The following PTPRD variants were observed in gnomAD, a reference collection of about 807,000 sequenced individuals.
PTPRD encodes the protein receptor-type tyrosine-protein phosphatase delta.
A neutral mutation model predicts 214.5 loss-of-function variants in PTPRD; 34 were observed. That is an observed-to-expected ratio of 0.16 (90% CI 0.12 to 0.21). The LOEUF is 0.21. PTPRD is among the 10% of genes least tolerant of loss of function. The probability of loss-of-function intolerance (pLI) is 1.00; values close to 1 mark genes in which losing one functional copy is unlikely to be tolerated. For synonymous variants in PTPRD, 1,128 were observed against 845.7 expected (o/e 1.33, Z -5.79); for missense variants, 2,545 against 2,398.7 (o/e 1.06, Z -1.27).
chr9:8,569,849 AT>A (rs1404746563), intron 14 of PTPRD, among the ~76,000 whole-genome samples: 1 of 152,176 alleles, frequency 6.6e-6, no homozygotes, highest in Non-Finnish European at 1.5e-5. Context: ...TTATAAATTC[AT>A]GATGAAAACT....
At chr9:9,658,307 C>T (rs1165169920) in intron 7 of PTPRD, among the ~76,000 whole-genome samples, 1 of 152,060 alleles carries the variant, frequency 6.6e-6, no homozygotes, top group African/African-American at 2.4e-5. Context: ...ATCATTTCGC[C>T]TTATATCCTA....
intron 6 of PTPRD, among the ~76,000 whole-genome samples, chr9:9,758,936 T>C (rs1478804206): frequency 1.3e-5 from 2 of 152,022 alleles, no homozygotes. Context: ...AGCTATAGAA[T>C]TGTCAAATGT....
At chr9:9,484,124 T>C (rs991276062) in intron 8 of PTPRD, among the ~76,000 whole-genome samples, 1 of 151,882 alleles carries the variant, frequency 6.6e-6, no homozygotes, top group Non-Finnish European at 1.5e-5. Context: ...TAATAAGAGA[T>C]TGATTTAAAC....
At chr9:9,918,883 T>C (rs2081733848) in intron 5 of PTPRD, among the ~76,000 whole-genome samples, 3 of 152,078 alleles carry the variant, frequency 2.0e-5, no homozygotes, top group Admixed American at 6.6e-5. Flanking sequence ...TCCAACCCTA[T>C]ACAAACATCA....
chr9:9,186,481 T>G (rs2099931570), intron 9 of PTPRD, among the ~76,000 whole-genome samples: 3 of 152,040 alleles, frequency 2.0e-5, no homozygotes, highest in Admixed American at 2.0e-4. Flanking sequence ...CATTGTGGCA[T>G]GCACTTGTAG....
At position 9,349,145 on chromosome 9, in the gene PTPRD, C is replaced by T. The variant is rs868513498; in HGVS notation, c.-203+48304G>A. On this transcript the variant is annotated intron_variant, in intron 9 of 45. Transcript: ENST00000381196. ...GAAATATGTTTAAGAAAAAATAATT[C>T]ACTCGACGTAAATCTGATCATATCA... 4.6e-5 allele frequency among the ~76,000 whole-genome samples: 7 copies of T among 152,122 alleles called. No homozygotes were observed. In the Middle Eastern group the frequency reaches 0.02, roughly 444 times the overall value.
intron 3 of PTPRD, among the ~76,000 whole-genome samples, chr9:10,204,518 C>G (rs994387631): frequency 5.9e-5 from 9 of 152,050 alleles, no homozygotes; most frequent in Admixed American, 5.2e-4. Context: ...ATTTGTTGAA[C>G]AAGCAGATAA....
At chr9:9,305,874 A>G (rs890665141) in intron 9 of PTPRD, among the ~76,000 whole-genome samples, 2 of 152,086 alleles carry the variant, frequency 1.3e-5, no homozygotes, top group Non-Finnish European at 2.9e-5. Context: ...CCACCAAGAG[A>G]GGCAGGAAGA....
In PTPRD at chr9:10,424,649, G is replaced by A. The variant is rs993549137; in HGVS notation, c.-599-83632C>T. 3.9e-5 allele frequency among the ~76,000 whole-genome samples: 6 copies of A among 151,946 alleles called. No individual in the cohort carries two copies. The East Asian group carries it at 9.8e-4, about 25-fold the overall frequency. On this transcript the variant is annotated intron_variant, in intron 2 of 45. Coordinates refer to ENST00000381196, the MANE Select transcript of PTPRD (RefSeq NM_002839.4). ...ATGACAGGGATGTATGTAATGCAACGAAGAACAAGCAAAGGGGTTTGGAAA... is the reference window on the plus strand; with the variant it reads ...ATGACAGGGATGTATGTAATGCAACAAAGAACAAGCAAAGGGGTTTGGAAA...
At chr9:8,617,463 T>C (rs1274719353) in intron 14 of PTPRD, among the ~76,000 whole-genome samples, 1 of 152,108 alleles carries the variant, frequency 6.6e-6, no homozygotes, top group Non-Finnish European at 1.5e-5. Flanking sequence ...TATTCCTGAT[T>C]ACTAGGCTAC....
intron 9 of PTPRD, among the ~76,000 whole-genome samples, chr9:9,336,047 G>C (rs1398620941): frequency 1.3e-5 from 2 of 151,916 alleles, no homozygotes; most frequent in Non-Finnish European, 2.9e-5. Flanking sequence ...ATGTTAAAAA[G>C]AATATTACAT....
intron 3 of PTPRD, among the ~76,000 whole-genome samples, chr9:10,152,924 G>C (rs962046464): frequency 2.0e-5 from 3 of 152,004 alleles, no homozygotes; most frequent in African/African-American, 7.3e-5. Flanking sequence ...GTCAGAGAAA[G>C]ACAAATACTA....
chr9:10,539,367 T>C (rs1443798812), intron 2 of PTPRD, among the ~76,000 whole-genome samples: 1 of 152,132 alleles, frequency 6.6e-6, no homozygotes, highest in African/African-American at 2.4e-5. Flanking sequence ...GTATTTTTAG[T>C]AGAGACGGTT....
At chr9:8,471,281 G>T (rs1357112355) in intron 30 of PTPRD, among the ~76,000 whole-genome samples, 196 bp from the exon 31 acceptor site, 1 of 152,046 alleles carries the variant, frequency 6.6e-6, no homozygotes, top group Non-Finnish European at 1.5e-5. Flanking sequence ...ATTTATGTGT[G>T]ATTGCAGTGA....
intron 7 of PTPRD, among the ~76,000 whole-genome samples, chr9:9,585,640 C>T (rs2091805800): frequency 6.6e-6 from 1 of 152,038 alleles, no homozygotes. Context: ...ATTACTGATT[C>T]TTCCCTTTCT....
At chr9:10,262,806 G>C (rs1297557083) in intron 3 of PTPRD, among the ~76,000 whole-genome samples, 2 of 152,102 alleles carry the variant, frequency 1.3e-5, no homozygotes, top group East Asian at 3.9e-4. Flanking sequence ...CAGACCCTTT[G>C]CACACTGATG....
At chr9:10,271,317 A>G (rs2094405883) in intron 3 of PTPRD, among the ~76,000 whole-genome samples, 1 of 152,162 alleles carries the variant, frequency 6.6e-6, no homozygotes, top group Admixed American at 6.5e-5. Flanking sequence ...TACAAATACT[A>G]TTTAACACCA....
At chr9:9,951,223 A>C (rs2093426276) in intron 4 of PTPRD, among the ~76,000 whole-genome samples, 1 of 152,186 alleles carries the variant, frequency 6.6e-6, no homozygotes, top group South Asian at 2.1e-4. Context: ...AGGGAAAAAA[A>C]AGTGATAAGT....
intron 4 of PTPRD, among the ~76,000 whole-genome samples, chr9:9,977,088 G>A (rs1485820940): frequency 6.6e-6 from 1 of 152,128 alleles, no homozygotes; most frequent in South Asian, 2.1e-4. Context: ...AAATTCAGAT[G>A]TCAACCTAAA....
Sources: gnomAD v4.1 joint callset for allele counts (sites outside exome capture counted in the v4.1 genomes callset) on GRCh38, gnomAD v4.1.1 for gene constraint, MANE v1.5 for transcripts, NCBI Gene and HGNC (gene_info 2026-07-23, HGNC 2026-07-21) for gene names.